RUNDC3B: variants seen among roughly 807,000 people sequenced by gnomAD.
RUNDC3B encodes the protein RUN domain-containing protein 3B.
Under a neutral mutation model 58.4 loss-of-function variants are expected in RUNDC3B, and 33 were observed. The observed-to-expected ratio is 0.56, with a 90% confidence interval of 0.43 to 0.75. RUNDC3B has a LOEUF of 0.75. Ranked by LOEUF, RUNDC3B falls within the 30% of genes least tolerant of loss-of-function variation. RUNDC3B has a pLI of 0.00. For missense variants in RUNDC3B, 501 were observed against 535.7 expected (o/e 0.94, Z 0.64); for synonymous variants, 193 against 195.2 (o/e 0.99, Z 0.10).
chr7:87,795,368 T>G (rs1835758651), intron 8 of RUNDC3B, among the ~76,000 whole-genome samples: 1 of 152,148 alleles, frequency 6.6e-6, no homozygotes, highest in Non-Finnish European at 1.5e-5. Flanking sequence ...CAAACAGGCA[T>G]ATGAAAAGGT....
intron 6 of RUNDC3B, among the ~76,000 whole-genome samples, chr7:87,766,623 A>T (rs911004909): frequency 9.2e-5 from 14 of 152,054 alleles, no homozygotes; most frequent in African/African-American, 2.9e-4. Context: ...TGTTAATCTG[A>T]TAGAATTTCC....
chr7:87,783,724 G>C (rs1835063198), intron 8 of RUNDC3B, among the ~76,000 whole-genome samples: 1 of 152,168 alleles, frequency 6.6e-6, no homozygotes, highest in Non-Finnish European at 1.5e-5. Context: ...GTGATTGCTT[G>C]TCTGGAAAAT....
At chr7:87,700,630 C>A in intron 3 of RUNDC3B, 76 bp downstream of exon 3, 4 of 1,337,868 alleles carry the variant, frequency 3.0e-6, no homozygotes, top group Non-Finnish European at 3.1e-6. Context: ...AGGTGTGAAG[C>A]TACTTACTAT....
chr7:87,647,760 ACAT>A (rs145595679), intron 1 of RUNDC3B, among the ~76,000 whole-genome samples: 4,742 of 152,308 alleles, frequency 0.031, 72 homozygotes, highest in Middle Eastern at 0.048. Flanking sequence ...TAACAAATAC[ACAT>A]CATGATCAGA....
intron 7 of RUNDC3B, among the ~76,000 whole-genome samples, chr7:87,773,322 CAAAAAAA>C (rs760846940): frequency 1.7e-5 from 1 of 58,172 alleles, no homozygotes; most frequent in Non-Finnish European, 3.7e-5. Flanking sequence ...GACTCCGTCT[CAAAAAAA>C]AAAAAAAAAA....
chr7:87,741,511 G>A lies in RUNDC3B; in HGVS notation c.561G>A (p.Lys187=), dbSNP rs765545836. The A allele has an allele frequency of 7.0e-6, 11 of 1,562,992 alleles. No homozygotes were observed. The African/African-American group carries it at 1.5e-4, about 21-fold the overall frequency. Residue 187 remains lysine (K), a synonymous_variant, in exon 6 of 11, where the codon AAG becomes AAA. Transcript: ENST00000394654. ...TCTATTGTCTTAGTTTCTGCCTAAA[G>A]GGAGAGGGGCTGGATGGCAGTTTTC... ...LNAIDFSFCL[K]GEGLDGSFPA...
At chr7:87,759,060 T>C (rs1833535412) in intron 6 of RUNDC3B, among the ~76,000 whole-genome samples, 2 of 152,210 alleles carry the variant, frequency 1.3e-5, no homozygotes, top group African/African-American at 4.8e-5. Context: ...CTATTCACAA[T>C]AGCTAAGATG....
In RUNDC3B at chr7:87,770,740, G is replaced by C; in HGVS notation, c.789G>C (p.Leu263=). Residue 263 remains leucine, a synonymous_variant, in exon 7 of 11, where the codon CTG becomes CTC. Coordinates refer to ENST00000394654, the MANE Select transcript of RUNDC3B (RefSeq NM_001134405.2). ...TTAAACAAAAGTATCAGCTTACCCT[G>C]GAACAGAAGGTATTTTAAAATTATC... ...KRVKQKYQLT[L]EQKGYLEELL... is the part of the protein sequence containing the mutation. 5.0e-6 allele frequency: 8 copies of C among 1,603,254 alleles called. No individual in the cohort carries two copies. The highest frequency in any genetic ancestry group is 6.8e-6 in the Non-Finnish European group (8 of 1,174,100).
At chr7:87,814,272 G>T (rs1032781943) in intron 9 of RUNDC3B, among the ~76,000 whole-genome samples, 4 of 151,476 alleles carry the variant, frequency 2.6e-5, no homozygotes, top group African/African-American at 9.7e-5. Flanking sequence ...AGCTAATTTT[G>T]TATTTTTAGT....
chr7:87,689,794 C>T (rs1357603938), intron 2 of RUNDC3B, among the ~76,000 whole-genome samples: 1 of 152,010 alleles, frequency 6.6e-6, no homozygotes, highest in Admixed American at 6.6e-5. Context: ...TTAAGGTGAA[C>T]AATATCGCTG....
intron 8 of RUNDC3B, among the ~76,000 whole-genome samples, chr7:87,803,762 T>C (rs1389728152): frequency 6.6e-6 from 1 of 152,200 alleles, no homozygotes; most frequent in Non-Finnish European, 1.5e-5. Context: ...ATATATTTTT[T>C]TCGATTGTCA....
chr7:87,727,868 G>A (rs1334679950), intron 4 of RUNDC3B, among the ~76,000 whole-genome samples: 10 of 152,050 alleles, frequency 6.6e-5, no homozygotes, highest in Admixed American at 6.6e-4. Flanking sequence ...GTACCATACG[G>A]TAAGCTTCCT....
At chr7:87,797,448 G>C (rs1584234237) in intron 8 of RUNDC3B, among the ~76,000 whole-genome samples, 2 of 152,170 alleles carry the variant, frequency 1.3e-5, no homozygotes, top group East Asian at 3.9e-4. Flanking sequence ...CACACTGGTT[G>C]TCCCACTTTT....
chr7:87,634,895 G>A (rs185807857), intron 1 of RUNDC3B, among the ~76,000 whole-genome samples: 21 of 152,274 alleles, frequency 1.4e-4, no homozygotes, highest in South Asian at 1.2e-3. Flanking sequence ...ATTAGTAGAT[G>A]CGCACAATGG....
chr7:87,793,451 A>G (rs2130910269), intron 8 of RUNDC3B, among the ~76,000 whole-genome samples: 1 of 152,232 alleles, frequency 6.6e-6, no homozygotes, highest in South Asian at 2.1e-4. Context: ...ACCAAATTCA[A>G]CAATACACTA....
At chr7:87,735,551 A>G (rs1333830660) in intron 4 of RUNDC3B, among the ~76,000 whole-genome samples, 1 of 152,324 alleles carries the variant, frequency 6.6e-6, no homozygotes, top group South Asian at 2.1e-4. Flanking sequence ...TCTATCTTGG[A>G]CAAATTGCTT....
intron 4 of RUNDC3B, among the ~76,000 whole-genome samples, chr7:87,720,459 A>G (rs1830809119): frequency 2.0e-5 from 3 of 152,092 alleles, no homozygotes; most frequent in South Asian, 2.1e-4. Context: ...AAATCTACAT[A>G]GTAACTTACG....
In RUNDC3B at chr7:87,700,453, C is replaced by T. The variant is rs545413671; in HGVS notation, c.271C>T (p.Arg91Cys). The change falls in exon 3 of 11, where the codon CGT becomes TGT. Residue 91 changes from arginine (R) to cysteine (C), a missense_variant. Coordinates refer to ENST00000394654, the MANE Select transcript of RUNDC3B (RefSeq NM_001134405.2). The stretch of plus-strand genomic sequence containing the variant: ...AACCTGGTTTGGTTATGAAAGTCCT[C>T]GTAGCTTCTGGGACTATATCAGAGT... ...QVTWFGYESP[R>C]SFWDYIRVAC... 9 of 1,612,434 alleles carry T rather than the reference C, an allele frequency of 5.6e-6. No homozygotes were observed. The highest frequency in any genetic ancestry group is 4.5e-5 in the East Asian group (2 of 44,830).
chr7:87,642,715 A>G (rs1283856450), intron 1 of RUNDC3B, among the ~76,000 whole-genome samples: 2 of 152,004 alleles, frequency 1.3e-5, no homozygotes, highest in Non-Finnish European at 2.9e-5. Flanking sequence ...TGTCTTTTTT[A>G]TTTTAAGAGT....
Sources: gnomAD v4.1 joint callset for allele counts (sites outside exome capture counted in the v4.1 genomes callset) on GRCh38, gnomAD v4.1.1 for gene constraint, MANE v1.5 for transcripts, NCBI Gene and HGNC (gene_info 2026-07-23, HGNC 2026-07-21) for gene names.